CSMD1: variants seen among roughly 807,000 people sequenced by gnomAD.
CSMD1 encodes CUB and sushi domain-containing protein 1.
Under a neutral mutation model 417.5 loss-of-function variants are expected in CSMD1, and 213 were observed. The ratio of observed to expected loss-of-function variants is 0.51; its 90% confidence interval spans 0.46 to 0.57. The LOEUF (loss-of-function observed/expected upper bound fraction) is 0.57. CSMD1 is among the 20% of genes least tolerant of loss of function. The pLI, the probability that CSMD1 is intolerant of heterozygous loss-of-function variation, is 0.00. For synonymous variants in CSMD1, 2,862 were observed against 1,736.8 expected, an observed-to-expected ratio of 1.65 and a Z score of -16.11; for missense variants, 6,923 against 4,529.7, an observed-to-expected ratio of 1.53 and a Z score of -15.17.
Position 3,153,581 on chromosome 8 carries a change from T to C in CSMD1, c.5915-2068A>G, listed in dbSNP as rs1819331489. The stretch of plus-strand genomic sequence containing the variant: ...ACAACAGAACCAGTAAATGTGGTAT[T>C]ACTAAAAAGTTCCTTTTGATTTTAG... On this transcript the variant is annotated intron_variant, in intron 39 of 69. Coordinates refer to ENST00000635120, the MANE Select transcript of CSMD1 (RefSeq NM_033225.6). 2.0e-5 allele frequency among the ~76,000 whole-genome samples: 3 copies of C among 152,224 alleles called. No homozygotes were observed. In the South Asian group the frequency reaches 6.2e-4, roughly 32 times the overall value.
intron 11 of CSMD1, among the ~76,000 whole-genome samples, chr8:3,488,904 T>C (rs1250212704): frequency 6.6e-6 from 1 of 152,128 alleles, no homozygotes; most frequent in Non-Finnish European, 1.5e-5. Context: ...TGGTTTGATT[T>C]CTAATCATGT....
chr8:3,668,752 C>G (rs576393523), intron 7 of CSMD1, among the ~76,000 whole-genome samples: 1 of 152,112 alleles, frequency 6.6e-6, no homozygotes, highest in Admixed American at 6.5e-5. Context: ...CTAGGGAAGA[C>G]CCATACTGAA....
At chr8:4,650,141 C>T (rs1361501106) in intron 1 of CSMD1, among the ~76,000 whole-genome samples, 4 of 151,890 alleles carry the variant, frequency 2.6e-5, no homozygotes, top group Admixed American at 6.6e-5. Context: ...GTCAGGAGAT[C>T]GAGACCATCC....
At chr8:3,620,484 A>G (rs961914020) in intron 7 of CSMD1, among the ~76,000 whole-genome samples, 4 of 152,226 alleles carry the variant, frequency 2.6e-5, no homozygotes, top group African/African-American at 9.6e-5. Context: ...TAATAGTTAC[A>G]TTATATATAA....
At chr8:3,171,401 C>A (rs1820575629) in intron 37 of CSMD1, among the ~76,000 whole-genome samples, 1 of 152,168 alleles carries the variant, frequency 6.6e-6, no homozygotes, top group Non-Finnish European at 1.5e-5. Context: ...ACTCACCACC[C>A]ATCTCAATCC....
At chr8:3,618,907 C>T (rs368275421) in intron 7 of CSMD1, among the ~76,000 whole-genome samples, 21 of 152,146 alleles carry the variant, frequency 1.4e-4, no homozygotes, top group African/African-American at 4.3e-4. Context: ...GCTGGCAGCA[C>T]GATGGTCGCT....
At chr8:3,230,542 A>C (rs1798774822) in intron 26 of CSMD1, among the ~76,000 whole-genome samples, 1 of 152,112 alleles carries the variant, frequency 6.6e-6, no homozygotes, top group Admixed American at 6.6e-5. Context: ...ACACAGACTG[A>C]TTTTCTCTTC....
intron 41 of CSMD1, among the ~76,000 whole-genome samples, chr8:3,130,387 C>A (rs1817731709): frequency 6.6e-6 from 1 of 152,020 alleles, no homozygotes; most frequent in Admixed American, 6.6e-5. Flanking sequence ...AGCCTCCCGC[C>A]CCCAATTCCT....
chr8:3,759,287 G>C (rs776296454), intron 5 of CSMD1, among the ~76,000 whole-genome samples: 1 of 152,082 alleles, frequency 6.6e-6, no homozygotes, highest in Non-Finnish European at 1.5e-5. Flanking sequence ...CTGTTAATCA[G>C]AATGATCTAG....
At chr8:4,746,168 A>G (rs1000815095) in intron 1 of CSMD1, among the ~76,000 whole-genome samples, 6 of 152,038 alleles carry the variant, frequency 3.9e-5, no homozygotes, top group African/African-American at 1.4e-4. Flanking sequence ...GCACCTTTTC[A>G]TCCAAAATTC....
chr8:4,443,694 C>A (rs1344059570), intron 2 of CSMD1, among the ~76,000 whole-genome samples: 2 of 152,122 alleles, frequency 1.3e-5, no homozygotes, highest in East Asian at 3.9e-4. Context: ...CCTGCAATTC[C>A]CAACAAAATT....
intron 1 of CSMD1, among the ~76,000 whole-genome samples, chr8:4,702,597 T>A (rs1456649895): frequency 6.6e-6 from 1 of 152,192 alleles, no homozygotes; most frequent in African/African-American, 2.4e-5. Context: ...CACTGCCCTT[T>A]ACAAAATGAA....
chr8:3,184,413 C>G (rs893298413), intron 36 of CSMD1, among the ~76,000 whole-genome samples: 6 of 152,132 alleles, frequency 3.9e-5, no homozygotes, highest in African/African-American at 1.4e-4. Context: ...TCATCAAATC[C>G]TTAAAGGCAA....
At chr8:4,240,338 T>G (rs937034477) in intron 3 of CSMD1, among the ~76,000 whole-genome samples, 1 of 152,216 alleles carries the variant, frequency 6.6e-6, no homozygotes, top group Non-Finnish European at 1.5e-5. Flanking sequence ...GCTGCATCTT[T>G]GCTAAAAAGG....
chr8:3,142,266 C>A (rs1818550142), intron 41 of CSMD1, among the ~76,000 whole-genome samples, 199 bp downstream of exon 41: 1 of 152,176 alleles, frequency 6.6e-6, no homozygotes. Context: ...GGCGAACCCA[C>A]TGGTGGTTCC....
At chr8:4,166,031 C>T (rs889222473) in intron 3 of CSMD1, among the ~76,000 whole-genome samples, 2 of 152,080 alleles carry the variant, frequency 1.3e-5, no homozygotes, top group Non-Finnish European at 2.9e-5. Flanking sequence ...CTTTTCTTGA[C>T]CTTATTTACA....
intron 23 of CSMD1, among the ~76,000 whole-genome samples, chr8:3,320,860 T>C (rs1427232681): frequency 6.6e-6 from 1 of 152,216 alleles, no homozygotes; most frequent in Non-Finnish European, 1.5e-5. Context: ...ATACAACGCC[T>C]GCTTGCCGCA....
At chr8:4,024,073 G>C (rs907211663) in intron 4 of CSMD1, among the ~76,000 whole-genome samples, 12 of 152,178 alleles carry the variant, frequency 7.9e-5, no homozygotes, top group Middle Eastern at 3.4e-3. Flanking sequence ...AAATATACTA[G>C]AAAGAGTAGA....
chr8:4,011,910 A>G (rs557109293), intron 4 of CSMD1, among the ~76,000 whole-genome samples: 29 of 152,288 alleles, frequency 1.9e-4, no homozygotes, highest in Admixed American at 9.8e-4. Context: ...TTATTTGCAT[A>G]TAACTTATAC....
Sources: allele counts gnomAD v4.1 joint callset (sites outside exome capture counted in the v4.1 genomes callset), GRCh38; gene constraint gnomAD v4.1.1; transcripts MANE v1.5; gene names NCBI Gene and HGNC (gene_info 2026-07-23, HGNC 2026-07-21).